ACVR1: variants seen among roughly 807,000 people sequenced by gnomAD.
ACVR1 encodes activin A receptor type 1.
A neutral mutation model predicts 57.1 loss-of-function variants in ACVR1; 38 were observed. The observed-to-expected ratio is 0.67, with a 90% CI of 0.51 to 0.87. The LOEUF is 0.87. ACVR1 is among the 40% of genes least tolerant of loss of function. The pLI is 0.00. For synonymous variants in ACVR1, 212 were observed against 228.1 expected (o/e 0.93, Z 0.63); for missense variants, 463 against 638.2 (o/e 0.73, Z 2.96).
At chr2:157,804,149 C>T (rs1419453440) in intron 2 of ACVR1, among the ~76,000 whole-genome samples, 2 of 152,166 alleles carry the variant, frequency 1.3e-5, no homozygotes, top group African/African-American at 2.4e-5. Context: ...AAGTCTCAGG[C>T]GCCTTTGGAG....
chr2:157,862,394 T>C lies in ACVR1; in HGVS notation c.-183+13402A>G, dbSNP rs1457601996. Among the ~76,000 whole-genome samples the C allele has an allele frequency of 2.7e-5, 4 of 147,956 alleles. No homozygotes were observed. In the East Asian group the frequency reaches 8.1e-4, roughly 30 times the overall value. On this transcript the variant is annotated intron_variant, in intron 1 of 10. Coordinates refer to ENST00000434821, the MANE Select transcript of ACVR1 (RefSeq NM_001111067.4). ...TGTGCCTCCTATGCATAAGACAGCA[T>C]ACTAGGCACAGGATAAACATATACA...
intron 3 of ACVR1, among the ~76,000 whole-genome samples, chr2:157,795,223 G>A (rs1314035168): frequency 2.6e-5 from 4 of 152,062 alleles, no homozygotes; most frequent in Middle Eastern, 3.4e-3. Context: ...TTCTGTTATC[G>A]GCCCCATTAT....
chr2:157,781,393 A>G (rs1211696052), intron 3 of ACVR1, among the ~76,000 whole-genome samples: 2 of 152,206 alleles, frequency 1.3e-5, no homozygotes, highest in Non-Finnish European at 2.9e-5. Context: ...AAGGCTGTAC[A>G]ATCTATAATT....
At chr2:157,758,885 C>A (rs1168306518) in intron 9 of ACVR1, among the ~76,000 whole-genome samples, 1 of 152,004 alleles carries the variant, frequency 6.6e-6, no homozygotes, top group Non-Finnish European at 1.5e-5. Flanking sequence ...AAACACACTC[C>A]TGAACAACCA....
At chr2:157,812,134 A>C (rs907937293) in intron 2 of ACVR1, among the ~76,000 whole-genome samples, 1 of 152,246 alleles carries the variant, frequency 6.6e-6, no homozygotes, top group Non-Finnish European at 1.5e-5. Context: ...GGGCCTAGAA[A>C]TAAGGACCCA....
intron 3 of ACVR1, among the ~76,000 whole-genome samples, chr2:157,781,829 CAG>C (rs2105283265): frequency 6.6e-6 from 1 of 152,280 alleles, no homozygotes; most frequent in African/African-American, 2.4e-5. Context: ...GGGAAGGAAA[CAG>C]AGGATAAAAT....
intron 1 of ACVR1, among the ~76,000 whole-genome samples, chr2:157,841,989 T>C (rs994480535): frequency 1.3e-4 from 18 of 139,456 alleles, no homozygotes; most frequent in African/African-American, 4.6e-4. Flanking sequence ...ATCGTGCCAC[T>C]GCACTCCAGC....
rs944718797 is a variant in ACVR1 at position 157,767,361 on chromosome 2, G to A, written c.791-1165C>T. ...GAAGAGATTTTTCTAGACATCTGGA[G>A]GGAACTTTTGAGCATGCAGAAGACT... On this transcript the variant is annotated intron_variant, in intron 7 of 10. Coordinates refer to ENST00000434821, the MANE Select transcript of ACVR1 (RefSeq NM_001111067.4). Among the ~76,000 whole-genome samples the A allele has an allele frequency of 2.6e-5, 4 of 152,098 alleles. No individual in the cohort carries two copies. In the East Asian group the frequency reaches 5.8e-4, roughly 22 times the overall value.
rs1299645908 is a variant in ACVR1 at position 157,765,953 on chromosome 2, T to C, written c.1034A>G (p.Lys345Arg). The change falls in exon 8 of 11, where the codon AAG (lysine) becomes AGG (arginine). Residue 345 changes from lysine to arginine, a missense_variant. Coordinates refer to ENST00000434821, the MANE Select transcript of ACVR1 (RefSeq NM_001111067.4). Reference protein sequence around the residue: ...RDLKSKNILVKKNGQCCIADL... With the variant: ...RDLKSKNILVRKNGQCCIADL... Reference sequence around the variant, plus strand: ...TGCTATGCAACACTGTCCATTCTTCTTAACCAGAATATTTTTGCTCTTTAA... The same window carrying C: ...TGCTATGCAACACTGTCCATTCTTCCTAACCAGAATATTTTTGCTCTTTAA... The C allele has an allele frequency of 6.2e-7, 1 of 1,614,174 alleles. No homozygotes were observed. Among genetic ancestry groups the C allele is most frequent in the Non-Finnish European group, 8.5e-7 (1 of 1,180,006 alleles).
At chr2:157,868,955 G>A (rs1690028398) in intron 1 of ACVR1, among the ~76,000 whole-genome samples, 2 of 152,204 alleles carry the variant, frequency 1.3e-5, no homozygotes, top group African/African-American at 4.8e-5. Flanking sequence ...GTCTTTGAAT[G>A]CAAAGAGCTG....
At chr2:157,797,571 A>G (rs915686451) in intron 3 of ACVR1, among the ~76,000 whole-genome samples, 3 of 152,204 alleles carry the variant, frequency 2.0e-5, no homozygotes, top group Admixed American at 1.3e-4. Context: ...AAAAGCAATT[A>G]CATGTAAGTG....
chr2:157,770,407 AT>A lies in ACVR1; in HGVS notation c.750del (p.Glu250AspfsTer6). 6.2e-7 allele frequency: 1 copy of A among 1,614,130 alleles called. No homozygotes were observed. The highest frequency in any genetic ancestry group is 8.5e-7 in the Non-Finnish European group (1 of 1,179,986). On this transcript the variant is annotated frameshift_variant, in exon 7 of 11. Transcript: ENST00000434821. LOFTEE classifies it high-confidence loss of function. ...RDEKSWFRET[E>X]LYNTVMLRHE... ...TGCCTCAGCATCACAGTGTTGTACA[AT>A]TCCGTTTCCCTGAACCATGACTTCT...
intron 9 of ACVR1, among the ~76,000 whole-genome samples, chr2:157,754,351 G>T (rs1685334097): frequency 6.6e-6 from 1 of 152,046 alleles, no homozygotes; most frequent in Admixed American, 6.6e-5. Flanking sequence ...AAAAGTGATA[G>T]GCCATTAGCA....
chr2:157,742,414 G>A (rs1684808267), intron 9 of ACVR1, among the ~76,000 whole-genome samples: 1 of 152,154 alleles, frequency 6.6e-6, no homozygotes, highest in African/African-American at 2.4e-5. Context: ...ACTGAGCCAG[G>A]CCTCGCCTCC....
intron 2 of ACVR1, among the ~76,000 whole-genome samples, chr2:157,811,242 C>T (rs1267818440): frequency 9.2e-5 from 14 of 152,086 alleles, no homozygotes. Flanking sequence ...TGGTTTAGGC[C>T]CCACAGCTCA....
intron 5 of ACVR1, 116 bp downstream of exon 5, chr2:157,778,015 G>C: frequency 9.1e-7 from 1 of 1,093,354 alleles, no homozygotes; most frequent in East Asian, 2.5e-5. Context: ...GTAACCAACA[G>C]CATGTGTGTA....
chr2:157,757,378 CA>C (rs1287342214), intron 9 of ACVR1, among the ~76,000 whole-genome samples: 1 of 151,862 alleles, frequency 6.6e-6, no homozygotes, highest in African/African-American at 2.4e-5. Flanking sequence ...GATAAATAGA[CA>C]TCCACATATA....
chr2:157,783,672 G>A lies in ACVR1; in HGVS notation c.68-3072C>T, dbSNP rs73023342. Among the ~76,000 whole-genome samples the A allele has an allele frequency of 5.9e-3, 901 of 152,252 alleles. 6 individuals carry two copies. Among genetic ancestry groups the A allele is most frequent in the African/African-American group, 0.019 (780 of 41,548 alleles). ...AAGGAAAGACAACTGTTAATGATAC[G>A]TAATAATTAACTCAATCTCTGATAT... On this transcript the variant is annotated intron_variant, in intron 3 of 10. Coordinates refer to ENST00000434821, the MANE Select transcript of ACVR1 (RefSeq NM_001111067.4).
chr2:157,854,006 G>A (rs979699364), intron 1 of ACVR1, among the ~76,000 whole-genome samples: 1 of 152,020 alleles, frequency 6.6e-6, no homozygotes, highest in African/African-American at 2.4e-5. Flanking sequence ...GTGCACACCC[G>A]CATTTGCCAA....
Sources: allele counts gnomAD v4.1 joint callset (sites outside exome capture counted in the v4.1 genomes callset), GRCh38; gene constraint gnomAD v4.1.1; transcripts MANE v1.5; gene names NCBI Gene and HGNC (gene_info 2026-07-23, HGNC 2026-07-21).